The following ENTREP2 variants were observed in gnomAD, a reference collection of about 807,000 sequenced individuals.
The protein encoded by ENTREP2 is protein ENTREP2.
the ENTREP2 span, chr15:29,196,326 G>A: frequency 1.9e-5 from 24 of 1,292,108 alleles, no homozygotes; most frequent in South Asian, 3.0e-5. Flanking sequence ...AACCTACCCC[G>A]GGAAGTTAAG....
chr15:29,650,766 A>T, the ENTREP2 span, among the ~76,000 whole-genome samples: 2 of 152,150 alleles, frequency 1.3e-5, no homozygotes, highest in African/African-American at 4.8e-5. Context: ...TGCTTTCTGT[A>T]CTGCTTCTGA....
chr15:29,649,891 C>A, the ENTREP2 span, among the ~76,000 whole-genome samples: 16 of 152,110 alleles, frequency 1.1e-4, no homozygotes, highest in Admixed American at 1.0e-3. Context: ...CCAAAATGCA[C>A]AACAGAGCTT....
the ENTREP2 span, chr15:29,609,972 T>A: frequency 6.6e-6 from 1 of 150,438 alleles, no homozygotes; most frequent in Admixed American, 6.7e-5. Context: ...AAGCACAACT[T>A]TGGGGCTCCT....
At chr15:29,526,089 T>C in the ENTREP2 span, among the ~76,000 whole-genome samples, 2 of 152,204 alleles carry the variant, frequency 1.3e-5, no homozygotes, top group Non-Finnish European at 1.5e-5. Context: ...GTACATTCTA[T>C]ACCCTGAAGT....
At chr15:29,451,829 C>T in the ENTREP2 span, among the ~76,000 whole-genome samples, 4 of 152,344 alleles carry the variant, frequency 2.6e-5, no homozygotes, top group Admixed American at 1.3e-4. Context: ...TTGGAGGCAA[C>T]GCTCGGGGCA....
the ENTREP2 span, among the ~76,000 whole-genome samples, chr15:29,607,905 TC>T: frequency 6.6e-6 from 1 of 151,940 alleles, no homozygotes; most frequent in South Asian, 2.1e-4. Context: ...AATTATATGG[TC>T]ACAAGGTCCC....
the ENTREP2 span, among the ~76,000 whole-genome samples, chr15:29,187,266 CTTTCT>C: frequency 2.6e-5 from 4 of 151,876 alleles, no homozygotes; most frequent in Non-Finnish European, 5.9e-5. Flanking sequence ...GTTTTTCTTT[CTTTCT>C]TTTCTTCTTT....
At chr15:29,445,481 A>G in the ENTREP2 span, among the ~76,000 whole-genome samples, 330 of 152,226 alleles carry the variant, frequency 2.2e-3, 1 homozygote, top group African/African-American at 7.7e-3. Context: ...CCAATGATGT[A>G]ATCAATCAAG....
chr15:29,596,965 C>T, the ENTREP2 span, among the ~76,000 whole-genome samples: 18 of 152,132 alleles, frequency 1.2e-4, no homozygotes, highest in African/African-American at 3.4e-4. Flanking sequence ...CCACCGCACT[C>T]GGCTCCTAAT....
the ENTREP2 span, among the ~76,000 whole-genome samples, chr15:29,385,102 G>C: frequency 1.3e-5 from 2 of 152,082 alleles, no homozygotes; most frequent in African/African-American, 4.8e-5. Context: ...AGTCCTGCAG[G>C]CATCTTTAAT....
At chr15:29,238,797 G>A in the ENTREP2 span, among the ~76,000 whole-genome samples, 6 of 152,074 alleles carry the variant, frequency 3.9e-5, no homozygotes, top group African/African-American at 7.2e-5. Flanking sequence ...AGACAGAGAG[G>A]AGCGAGGTGC....
At chr15:29,664,571 T>G in the ENTREP2 span, among the ~76,000 whole-genome samples, 2 of 151,826 alleles carry the variant, frequency 1.3e-5, no homozygotes, top group Non-Finnish European at 1.5e-5. Context: ...CCTGGGTGCT[T>G]GCGTGATGGG....
chr15:29,639,075 C>G, the ENTREP2 span, among the ~76,000 whole-genome samples: 1 of 152,198 alleles, frequency 6.6e-6, no homozygotes, highest in Admixed American at 6.5e-5. Context: ...GTTGAGTTTT[C>G]AACCTTGATT....
the ENTREP2 span, among the ~76,000 whole-genome samples, chr15:29,207,026 G>A: frequency 2.0e-5 from 3 of 152,144 alleles, no homozygotes; most frequent in South Asian, 4.1e-4. Flanking sequence ...ATGACACGGA[G>A]CCACTTTCCC....
At chr15:29,240,237 G>A in the ENTREP2 span, among the ~76,000 whole-genome samples, 3 of 152,092 alleles carry the variant, frequency 2.0e-5, no homozygotes, top group African/African-American at 7.2e-5. Context: ...GGAGGCACAT[G>A]CCTGTAATCC....
chr15:29,183,318 C>A, the ENTREP2 span, among the ~76,000 whole-genome samples: 1 of 152,192 alleles, frequency 6.6e-6, no homozygotes, highest in Non-Finnish European at 1.5e-5. Context: ...CTGAGGACAT[C>A]GAGAAGCAAG....
the ENTREP2 span, among the ~76,000 whole-genome samples, chr15:29,183,814 C>T: frequency 6.6e-6 from 1 of 152,094 alleles, no homozygotes; most frequent in African/African-American, 2.4e-5. Flanking sequence ...GAGGGAGGGA[C>T]AGAGAGCCGT....
the ENTREP2 span, among the ~76,000 whole-genome samples, chr15:29,620,559 G>A: frequency 1.3e-5 from 2 of 151,962 alleles, no homozygotes; most frequent in Non-Finnish European, 2.9e-5. Context: ...GATCATTTGA[G>A]CTCAGGAGTT....
chr15:29,458,377 G>A, the ENTREP2 span, among the ~76,000 whole-genome samples: 1 of 152,094 alleles, frequency 6.6e-6, no homozygotes, highest in Non-Finnish European at 1.5e-5. Flanking sequence ...CACCCTCACA[G>A]ACACTATCAG....
Sources: gnomAD v4.1 joint callset for allele counts (sites outside exome capture counted in the v4.1 genomes callset) on GRCh38, gnomAD v4.1.1 for gene constraint, MANE v1.5 for transcripts, NCBI Gene and HGNC (gene_info 2026-07-23, HGNC 2026-07-21) for gene names.